ZNF578: variants seen among roughly 807,000 people sequenced by gnomAD.
ZNF578 encodes Putative chemokine-related protein B42.
A neutral mutation model predicts 8.3 loss-of-function variants in ZNF578; 8 were observed. The ratio of observed to expected loss-of-function variants is 0.96; its 90% CI spans 0.56 to 1.74. ZNF578 has a LOEUF of 1.74. Among genes scored for constraint, ZNF578 ranks in the 40% most tolerant of loss-of-function variants. The pLI, the probability that ZNF578 is intolerant of heterozygous loss-of-function variation, is 0.00. For missense variants in ZNF578, 726 were observed against 707.5 expected, an observed-to-expected ratio of 1.03 and a Z score of -0.30; for synonymous variants, 206 against 232.2, an observed-to-expected ratio of 0.89 and a Z score of 1.03.
At chr19:52,498,109 G>A (rs985164692) in intron 3 of ZNF578, among the ~76,000 whole-genome samples, 7 of 152,242 alleles carry the variant, frequency 4.6e-5, no homozygotes, top group East Asian at 3.9e-4. Flanking sequence ...CTTACAACTC[G>A]AAAGAAGTTT....
At chr19:52,487,746 C>T (rs975050802) in intron 2 of ZNF578, among the ~76,000 whole-genome samples, 2 of 151,836 alleles carry the variant, frequency 1.3e-5, no homozygotes, top group African/African-American at 4.8e-5. Flanking sequence ...CCTCCTACCT[C>T]AGCCTTCTGA....
rs2059336925 is a variant in ZNF578 at position 52,484,211 on chromosome 19, TG to T, written c.-121-7112del. On this transcript the variant is annotated intron_variant, in intron 2 of 5. Coordinates refer to ENST00000421239, the MANE Select transcript of ZNF578 (RefSeq NM_001099694.2). ...TCAATGCCTTAAAGAGCAGTATTGC[TG>T]CCAGCATGTCTCACCTCCAGCCCTA... Among the ~76,000 whole-genome samples the T allele has an allele frequency of 3.3e-5, 5 of 152,354 alleles. No individual in the cohort carries two copies. The South Asian group carries it at 1.0e-3, about 32-fold the overall frequency.
chr19:52,493,549 G>A (rs139531640), intron 3 of ZNF578, among the ~76,000 whole-genome samples: 27 of 152,238 alleles, frequency 1.8e-4, no homozygotes, highest in Non-Finnish European at 3.7e-4. Flanking sequence ...GGAGGACACC[G>A]GGGGATCTGG....
chr19:52,499,886 A>G (rs1052127450), intron 3 of ZNF578, among the ~76,000 whole-genome samples: 3 of 152,040 alleles, frequency 2.0e-5, no homozygotes, highest in Admixed American at 2.0e-4. Flanking sequence ...CCATGTCCCT[A>G]TGGGTCTGTG....
At chr19:52,492,572 C>T (rs571025991) in intron 3 of ZNF578, among the ~76,000 whole-genome samples, 1 of 152,326 alleles carries the variant, frequency 6.6e-6, no homozygotes, top group South Asian at 2.1e-4. Context: ...AGTTTGCATG[C>T]CCGTTCCAGA....
chr19:52,486,073 C>CG (rs2122860093), intron 2 of ZNF578, among the ~76,000 whole-genome samples: 1 of 152,270 alleles, frequency 6.6e-6, no homozygotes, highest in East Asian at 1.9e-4. Flanking sequence ...ATGTAAAACC[C>CG]GATTGTATGT....
chr19:52,499,689 G>GTTTTTTTTTTTTTTTTTTTTTTTT lies in ZNF578; in HGVS notation c.-19-2125_-19-2124insTTTTTTTTTTTTTTTTTTTTTTTT, dbSNP rs66824085. Among the ~76,000 whole-genome samples, 47 of 141,574 alleles carry GTTTTTTTTTTTTTTTTTTTTTTTT rather than the reference G, an allele frequency of 3.3e-4. 4 individuals are homozygous for GTTTTTTTTTTTTTTTTTTTTTTTT. Among genetic ancestry groups the GTTTTTTTTTTTTTTTTTTTTTTTT allele is most frequent in the African/African-American group, 1.3e-3 (47 of 37,544 alleles). The allele number at this position is 141,574 out of a possible 152,430, so 92.9% of individuals were successfully genotyped here. A position where few individuals can be genotyped will look rare whatever the true frequency, so the allele number is the denominator to read the frequency against. ...TGAGAAGATACATCACTTCCAAATC[G>GTTTTTTTTTTTTTTTTTTTTTTTT]TTTTTTTTTTTTTGAGATGAATTTT... On this transcript the variant is annotated intron_variant, in intron 3 of 5. Transcript: ENST00000421239.
intron 5 of ZNF578, 60 bp downstream of exon 5, chr19:52,504,841 G>A (rs2059419843): frequency 6.3e-7 from 1 of 1,595,938 alleles, no homozygotes; most frequent in South Asian, 1.1e-5. Context: ...GGCTCTTCCT[G>A]GTTTTGTATT....
At chr19:52,493,521 G>A (rs2059374122) in intron 3 of ZNF578, among the ~76,000 whole-genome samples, 2 of 152,162 alleles carry the variant, frequency 1.3e-5, no homozygotes, top group African/African-American at 4.8e-5. Context: ...AAGGAGAACC[G>A]AGGGAGAAAC....
intron 2 of ZNF578, among the ~76,000 whole-genome samples, chr19:52,476,542 A>G (rs1423532190): frequency 6.6e-6 from 1 of 152,120 alleles, no homozygotes; most frequent in Non-Finnish European, 1.5e-5. Flanking sequence ...AATTTCCCTA[A>G]ACTTTTCCCA....
intron 3 of ZNF578, among the ~76,000 whole-genome samples, chr19:52,495,704 A>G (rs1035796296): frequency 6.7e-6 from 1 of 150,204 alleles, no homozygotes; most frequent in African/African-American, 2.4e-5. Context: ...AAATTAGTTT[A>G]AATTATACAG....
intron 2 of ZNF578, among the ~76,000 whole-genome samples, chr19:52,464,735 T>C (rs1426897114): frequency 6.6e-6 from 1 of 152,240 alleles, no homozygotes; most frequent in Non-Finnish European, 1.5e-5. Context: ...TGGATACCTC[T>C]GCCCACAAAA....
At chr19:52,506,009 T>G (rs574212466) in intron 5 of ZNF578, among the ~76,000 whole-genome samples, 60 of 151,960 alleles carry the variant, frequency 3.9e-4, no homozygotes, top group Non-Finnish European at 7.5e-4. Flanking sequence ...GTGATTCTCC[T>G]GCCTCAGCCT....
At chr19:52,503,017 T>C (rs113423089) in intron 4 of ZNF578, among the ~76,000 whole-genome samples, 28,935 of 151,902 alleles carry the variant, frequency 0.19, 2,972 homozygotes, top group Non-Finnish European at 0.23. Context: ...CTCAGCCTCC[T>C]GAGTTGCTGG....
chr19:52,469,911 G>A (rs534380470), intron 2 of ZNF578, among the ~76,000 whole-genome samples: 68 of 152,260 alleles, frequency 4.5e-4, no homozygotes, highest in Middle Eastern at 3.4e-3. Flanking sequence ...TCTTATGTGA[G>A]TGGATGACCT....
In ZNF578 at chr19:52,512,663, C is replaced by T. The variant is rs1241036999; in HGVS notation, c.*509C>T. On this transcript the variant is annotated 3_prime_UTR_variant, in exon 6 of 6. Coordinates refer to ENST00000421239, the MANE Select transcript of ZNF578 (RefSeq NM_001099694.2). ...CTCATTAGACATCAGAGAATCCCTA[C>T]TGGAGAGAAATCTTACAAATGTCAT... is the stretch of plus-strand genomic sequence containing the variant. 6.6e-6 allele frequency among the ~76,000 whole-genome samples: 1 copy of T among 152,236 alleles called. No individual in the cohort carries two copies. Among genetic ancestry groups the T allele is most frequent in the Non-Finnish European group, 1.5e-5 (1 of 68,048 alleles).
intron 2 of ZNF578, chr19:52,473,666 T>G (rs1254069069): frequency 1.9e-5 from 4 of 210,570 alleles, no homozygotes; most frequent in Middle Eastern, 3.3e-3. Flanking sequence ...CTCTCCAGTA[T>G]GAATTCTCTG....
In ZNF578 at chr19:52,511,598, A is replaced by G; in HGVS notation, c.1217A>G (p.Lys406Arg). The stretch of plus-strand genomic sequence containing the variant: ...CCTTACAAGTGTAATGAATGTGGCA[A>G]GGCTTTTAATCAACAATCACACCTT... ...EKPYKCNECG[K>R]AFNQQSHLSR... The change falls in exon 6 of 6, where the codon AAG (lysine) becomes AGG (arginine). Residue 406 changes from lysine (K) to arginine (R), a missense_variant. Physicochemically the swap from Lys to Arg is conservative, Grantham distance 26. Transcript: ENST00000421239. 1.2e-6 allele frequency: 2 copies of G among 1,614,164 alleles called. No homozygotes were observed. Among genetic ancestry groups the G allele is most frequent in the South Asian group, 1.1e-5 (1 of 91,080 alleles).
chr19:52,459,713 A>ATGTGTGTATATG lies in ZNF578; in HGVS notation c.-122+2762_-122+2763insATATGTGTGTGT, dbSNP rs1187045005. On this transcript the variant is annotated intron_variant, in intron 2 of 5. Coordinates refer to ENST00000421239, the MANE Select transcript of ZNF578 (RefSeq NM_001099694.2). The stretch of plus-strand genomic sequence containing the variant: ...TGGGTATGAGTGTGTATATGTAGAT[A>ATGTGTGTATATG]TGTGTGTGTGTGTGTGTGTGTGTGT... 2.4e-3 allele frequency among the ~76,000 whole-genome samples: 43 copies of ATGTGTGTATATG among 18,234 alleles called. 2 individuals are homozygous for ATGTGTGTATATG. Among genetic ancestry groups the ATGTGTGTATATG allele is most frequent in the African/African-American group, 5.4e-3 (38 of 7,030 alleles). The allele number at this position is 18,234 out of a possible 152,430, so 12.0% of individuals were successfully genotyped here.
Sources: allele counts gnomAD v4.1 joint callset (sites outside exome capture counted in the v4.1 genomes callset), GRCh38; gene constraint gnomAD v4.1.1; transcripts MANE v1.5; gene names NCBI Gene and HGNC (gene_info 2026-07-23, HGNC 2026-07-21).